NEO1: variants seen among roughly 807,000 people sequenced by gnomAD.
NEO1 encodes neogenin 1.
A neutral mutation model predicts 159.7 loss-of-function variants in NEO1; 63 were observed. The ratio of observed to expected loss-of-function variants is 0.39; its 90% CI spans 0.32 to 0.49. The LOEUF (loss-of-function observed/expected upper bound fraction) is 0.49, where lower values mean the gene tolerates loss of function less well. Ranked by LOEUF, NEO1 falls within the 20% of genes least tolerant of loss-of-function variation. The pLI is 0.85. For missense variants in NEO1, 1,615 were observed against 1,831.0 expected (o/e 0.88, Z 2.15); for synonymous variants, 633 against 662.0 (o/e 0.96, Z 0.67).
intron 4 of NEO1, among the ~76,000 whole-genome samples, chr15:73,130,957 C>T (rs1421769374): frequency 1.3e-5 from 2 of 152,150 alleles, no homozygotes; most frequent in East Asian, 3.9e-4. Flanking sequence ...AACTCCCAAC[C>T]CTGCTAAGAA....
intron 21 of NEO1, among the ~76,000 whole-genome samples, chr15:73,276,322 A>G (rs994587452): frequency 3.3e-5 from 5 of 152,236 alleles, no homozygotes; most frequent in Non-Finnish European, 7.3e-5. Context: ...TTCTTTGACA[A>G]TTAGGTACAT....
At chr15:73,249,550 T>G in intron 10 of NEO1, 33 bp from the exon 11 acceptor site, 1 of 1,557,418 alleles carries the variant, frequency 6.4e-7, no homozygotes, top group Non-Finnish European at 8.6e-7. Flanking sequence ...TTGGCTTGAG[T>G]GCATATGTAT....
chr15:73,245,116 A>C (rs1250932465), intron 9 of NEO1, among the ~76,000 whole-genome samples: 1 of 152,082 alleles, frequency 6.6e-6, no homozygotes, highest in Non-Finnish European at 1.5e-5. Context: ...TTATCTCCAC[A>C]GTCTAAGATA....
intron 5 of NEO1, among the ~76,000 whole-genome samples, chr15:73,158,453 C>T (rs534382327): frequency 2.6e-5 from 4 of 152,066 alleles, no homozygotes; most frequent in Non-Finnish European, 1.5e-5. Context: ...GACTGGAGTG[C>T]AGTGTGTGGT....
chr15:73,097,947 A>G (rs1327831896), intron 1 of NEO1, among the ~76,000 whole-genome samples: 3 of 152,048 alleles, frequency 2.0e-5, no homozygotes, highest in Admixed American at 6.5e-5. Context: ...AAATGAATTT[A>G]TATTAGTACT....
At chr15:73,066,677 G>A (rs1042608779) in intron 1 of NEO1, among the ~76,000 whole-genome samples, 4 of 152,066 alleles carry the variant, frequency 2.6e-5, no homozygotes, top group African/African-American at 9.7e-5. Context: ...AATAGTTTAG[G>A]TATACCTTTA....
intron 7 of NEO1, among the ~76,000 whole-genome samples, chr15:73,225,813 T>G (rs2038551796): frequency 6.6e-6 from 1 of 152,112 alleles, no homozygotes; most frequent in South Asian, 2.1e-4. Flanking sequence ...AGGAGGGTTC[T>G]CCCCAGCTTC....
intron 23 of NEO1, among the ~76,000 whole-genome samples, chr15:73,287,756 C>G (rs1381721883): frequency 1.3e-5 from 2 of 152,040 alleles, no homozygotes; most frequent in African/African-American, 4.8e-5. Context: ...TGGTGGACGC[C>G]TGTAATCCCA....
At chr15:73,261,264 AT>A (rs1266339780) in intron 15 of NEO1, among the ~76,000 whole-genome samples, 1 of 152,144 alleles carries the variant, frequency 6.6e-6, no homozygotes, top group East Asian at 1.9e-4. Flanking sequence ...TTGGAAACCA[AT>A]ATCTGGGCAC....
At chr15:73,131,610 C>G (rs1462243246) in intron 4 of NEO1, among the ~76,000 whole-genome samples, 1 of 152,202 alleles carries the variant, frequency 6.6e-6, no homozygotes, top group Non-Finnish European at 1.5e-5. Context: ...CAGTGGCCTC[C>G]TAATTGTTCT....
intron 7 of NEO1, among the ~76,000 whole-genome samples, chr15:73,205,250 C>A (rs1249286296): frequency 6.6e-6 from 1 of 152,184 alleles, no homozygotes; most frequent in Non-Finnish European, 1.5e-5. Flanking sequence ...CCTTTCCCAT[C>A]TGTAGTGTTC....
At chr15:73,299,549 C>T (rs947300960) in intron 27 of NEO1, among the ~76,000 whole-genome samples, 1 of 152,078 alleles carries the variant, frequency 6.6e-6, no homozygotes. Flanking sequence ...CCATGCGCAG[C>T]TAATTTTTTG....
At chr15:73,066,417 TC>T (rs1018284444) in intron 1 of NEO1, among the ~76,000 whole-genome samples, 1 of 151,756 alleles carries the variant, frequency 6.6e-6, no homozygotes. Flanking sequence ...GCATGTGTGT[TC>T]CCGTAGGAGT....
intron 1 of NEO1, among the ~76,000 whole-genome samples, chr15:73,063,549 T>G (rs1385755672): frequency 6.6e-6 from 1 of 152,154 alleles, no homozygotes; most frequent in Non-Finnish European, 1.5e-5. Flanking sequence ...TTGTTTAGTT[T>G]GGGATATTCA....
chr15:73,289,165 C>A lies in NEO1; in HGVS notation c.3669C>A (p.Ser1223Arg), dbSNP rs1381164350. Residue 1223 changes from serine to arginine, a missense_variant, in exon 25 of 29, where the codon AGC (serine) becomes AGA (arginine). Ser to Arg is a moderately radical substitution (Grantham distance 110). Transcript: ENST00000261908. ...NSYRGHESED[S>R]MSTLAGRRGM... Reference sequence around the variant, plus strand: ...ATCTAGGGCATGAGTCAGAGGACAGCATGTCTACACTGGCTGGAAGGCGAG... The same window carrying A: ...ATCTAGGGCATGAGTCAGAGGACAGAATGTCTACACTGGCTGGAAGGCGAG... 1 of 1,613,940 alleles carries A rather than the reference C, an allele frequency of 6.2e-7. No individual in the cohort carries two copies. The highest frequency in any genetic ancestry group is 1.1e-5 in the South Asian group (1 of 91,052).
At chr15:73,218,907 T>G (rs531972283) in intron 7 of NEO1, among the ~76,000 whole-genome samples, 150 of 152,320 alleles carry the variant, frequency 9.8e-4, no homozygotes, top group African/African-American at 3.4e-3. Context: ...AAGGGTTTTT[T>G]GTATCTCTAT....
At position 73,244,405 on chromosome 15, in the gene NEO1, C is replaced by G. The variant is rs748247073; in HGVS notation, c.1513C>G (p.Pro505Ala). Residue 505 changes from proline to alanine, a missense_variant, in exon 9 of 29, where the codon CCA becomes GCA. Physicochemically the swap from Pro to Ala is conservative, Grantham distance 27 (BLOSUM62 -1). This residue lies in a region of NEO1 where 1,018 missense variants were observed against 1,115.4 expected (regional missense o/e 0.91). Coordinates refer to ENST00000261908, the MANE Select transcript of NEO1 (RefSeq NM_002499.4). ...GCAAGTAACCATTCAAAACCTAATG[C>G]CAGCGACCGTGTACATCTTTAGAGT... ...EMQVTIQNLMPATVYIFRVMA... is the reference protein window; with the variant it reads ...EMQVTIQNLMAATVYIFRVMA... 2 of 1,613,984 alleles carry G rather than the reference C, an allele frequency of 1.2e-6. No individual in the cohort carries two copies. The highest frequency in any genetic ancestry group is 1.7e-6 in the Non-Finnish European group (2 of 1,179,936).
rs569037208 is a variant in NEO1, at chr15:73,151,743, C to T, written c.1015+15716C>T. 5.3e-5 allele frequency among the ~76,000 whole-genome samples: 8 copies of T among 152,308 alleles called. No homozygotes were observed. In the East Asian group the frequency reaches 1.5e-3, roughly 29 times the overall value. On this transcript the variant is annotated intron_variant, in intron 5 of 28. Transcript: ENST00000261908. ...ACCTCCCACAGGGTCTCTCCCACAA[C>T]ATGTGGGGATTATGGAAACTGTAAG...
rs566128160 is a variant in NEO1, at chr15:73,132,654, T to C, written c.879-3237T>C. On this transcript the variant is annotated intron_variant, in intron 4 of 28. Coordinates refer to ENST00000261908, the MANE Select transcript of NEO1 (RefSeq NM_002499.4). Reference sequence around the variant, plus strand: ...CTATACATCTGACAAAGGACTAATATCCAGAAGCTAGAAGGAACTCAAACA... The same window carrying C: ...CTATACATCTGACAAAGGACTAATACCCAGAAGCTAGAAGGAACTCAAACA... Among the ~76,000 whole-genome samples, 7 of 152,024 alleles carry C rather than the reference T, an allele frequency of 4.6e-5. No individual in the cohort carries two copies. The East Asian group carries it at 1.4e-3, about 29-fold the overall frequency.
Sources: allele counts gnomAD v4.1 joint callset (sites outside exome capture counted in the v4.1 genomes callset), GRCh38; gene constraint gnomAD v4.1.1; regional missense constraint gnomAD v4.1.1; transcripts MANE v1.5; gene names NCBI Gene and HGNC (gene_info 2026-07-23, HGNC 2026-07-21).